Variants in FSTL5 observed in about 807,000 individuals in gnomAD.
The protein encoded by FSTL5 is follistatin-related protein 5.
In FSTL5, 62 loss-of-function variants were observed where a neutral mutation model predicts 89.1. The observed-to-expected ratio is 0.70, with a 90% CI of 0.57 to 0.86. The LOEUF (loss-of-function observed/expected upper bound fraction) is 0.86, where lower values mean the gene tolerates loss of function less well. Ranked by LOEUF, FSTL5 falls within the 40% of genes least tolerant of loss-of-function variation. FSTL5 has a pLI of 0.00. For synonymous variants in FSTL5, 383 were observed against 346.2 expected, an observed-to-expected ratio of 1.11 and a Z score of -1.18; for missense variants, 1,057 against 1,001.6, an observed-to-expected ratio of 1.06 and a Z score of -0.75.
chr4:162,110,074 CTT>C (rs1332772529), intron 2 of FSTL5, among the ~76,000 whole-genome samples: 20 of 151,910 alleles, frequency 1.3e-4, no homozygotes, highest in Non-Finnish European at 2.8e-4. Context: ...ACTTTAAAAA[CTT>C]ATTTATTTTC....
Position 161,587,576 on chromosome 4 carries a change from C to T in FSTL5, c.895-1G>A, listed in dbSNP as rs1441272132. On this transcript the variant is annotated splice_acceptor_variant, in intron 7 of 15. Transcript: ENST00000306100. LOFTEE classifies it high-confidence loss of function. ...ACAAGGACCCATCATCTCCAAAGTC[C>T]TATTAAAAATAAAATAAAACAAGGT... is the stretch of plus-strand genomic sequence containing the variant. 6.3e-7 allele frequency: 1 copy of T among 1,583,680 alleles called. No individual in the cohort carries two copies. Among genetic ancestry groups the T allele is most frequent in the African/African-American group, 1.4e-5 (1 of 73,414 alleles).
intron 6 of FSTL5, among the ~76,000 whole-genome samples, chr4:161,724,993 G>C (rs1014184602): frequency 4.5e-4 from 69 of 152,128 alleles, no homozygotes; most frequent in African/African-American, 1.5e-3. Flanking sequence ...TTAAGAGATC[G>C]AGGCCAGCCT....
At chr4:161,908,284 T>C (rs187136551) in intron 4 of FSTL5, among the ~76,000 whole-genome samples, 2 of 152,142 alleles carry the variant, frequency 1.3e-5, no homozygotes, top group Admixed American at 1.3e-4. Context: ...CAATACATGA[T>C]TATCATGTAT....
intron 3 of FSTL5, among the ~76,000 whole-genome samples, chr4:161,953,568 A>G (rs1052470340): frequency 5.3e-5 from 8 of 151,716 alleles, no homozygotes; most frequent in Admixed American, 6.6e-5. Flanking sequence ...CACACATTTC[A>G]TAGAATTTGC....
chr4:162,050,415 C>T (rs1738341488), intron 2 of FSTL5, among the ~76,000 whole-genome samples: 1 of 150,352 alleles, frequency 6.7e-6, no homozygotes, highest in Non-Finnish European at 1.5e-5. Flanking sequence ...TATAAATATT[C>T]TTAGGAATAA....
intron 4 of FSTL5, among the ~76,000 whole-genome samples, chr4:161,790,793 G>A (rs946492318): frequency 6.6e-6 from 1 of 152,162 alleles, no homozygotes; most frequent in Non-Finnish European, 1.5e-5. Flanking sequence ...GCCCACTTAT[G>A]AAGGTGCTCT....
chr4:161,721,137 G>C (rs1739192823), intron 6 of FSTL5, among the ~76,000 whole-genome samples: 6 of 151,692 alleles, frequency 4.0e-5, no homozygotes, highest in African/African-American at 1.5e-4. Context: ...AATTAGCCGG[G>C]CGCGGTGGCG....
At chr4:161,742,480 G>T (rs1394804704) in intron 6 of FSTL5, among the ~76,000 whole-genome samples, 1 of 152,172 alleles carries the variant, frequency 6.6e-6, no homozygotes, top group African/African-American at 2.4e-5. Flanking sequence ...GCAAGGGAGA[G>T]AATTTTTTAA....
Position 161,579,944 on chromosome 4 carries a change from C to G in FSTL5, c.1015+7511G>C. Among the ~76,000 whole-genome samples, 2 of 151,852 alleles carry G rather than the reference C, an allele frequency of 1.3e-5. 1 individual carries two copies. Among genetic ancestry groups the G allele is most frequent in the East Asian group, 3.9e-4 (2 of 5,156 alleles). On this transcript the variant is annotated intron_variant, in intron 8 of 15. Transcript: ENST00000306100. Reference sequence around the variant, plus strand: ...CTTTGGACTTTGCATGTAGTTTAAACTTTTGGACTTTCTTTAGACTTTAAA... The same window carrying G: ...CTTTGGACTTTGCATGTAGTTTAAAGTTTTGGACTTTCTTTAGACTTTAAA...
chr4:161,642,422 G>A (rs547593827), intron 7 of FSTL5, among the ~76,000 whole-genome samples: 3 of 152,136 alleles, frequency 2.0e-5, no homozygotes, highest in African/African-American at 7.2e-5. Context: ...ACAAAATCAT[G>A]ATAACTGTAT....
At chr4:161,431,708 T>C (rs1162232345) in intron 15 of FSTL5, among the ~76,000 whole-genome samples, 1 of 152,066 alleles carries the variant, frequency 6.6e-6, no homozygotes, top group Non-Finnish European at 1.5e-5. Flanking sequence ...AACAATCTAT[T>C]ACCTACAAGA....
chr4:161,682,366 T>C lies in FSTL5; in HGVS notation c.728-25872A>G, dbSNP rs144489174. Among the ~76,000 whole-genome samples the C allele has an allele frequency of 5.9e-3, 904 of 152,348 alleles. 11 individuals carry two copies. The highest frequency in any genetic ancestry group is 0.047 in the South Asian group (225 of 4,830). On this transcript the variant is annotated intron_variant, in intron 6 of 15. Transcript: ENST00000306100. ...TCTCTCACTGTAAGTTTTTACTTTGTGAACTTTTAAATTTTTTAAAACTTT... is the reference window on the plus strand; with the variant it reads ...TCTCTCACTGTAAGTTTTTACTTTGCGAACTTTTAAATTTTTTAAAACTTT...
chr4:161,806,936 C>T (rs1276254738), intron 4 of FSTL5, among the ~76,000 whole-genome samples: 2 of 151,620 alleles, frequency 1.3e-5, no homozygotes, highest in Non-Finnish European at 2.9e-5. Flanking sequence ...AGATGAAAAC[C>T]ATAGTAGACC....
chr4:161,546,544 A>G (rs1447268049), intron 8 of FSTL5, among the ~76,000 whole-genome samples: 1 of 151,682 alleles, frequency 6.6e-6, no homozygotes, highest in East Asian at 1.9e-4. Context: ...AATGAGAGCT[A>G]AATTCTTACA....
rs77137549 is a variant in FSTL5 at position 161,690,968 on chromosome 4, C to A, written c.728-34474G>T. On this transcript the variant is annotated intron_variant, in intron 6 of 15. Coordinates refer to ENST00000306100, the MANE Select transcript of FSTL5 (RefSeq NM_020116.5). The stretch of plus-strand genomic sequence containing the variant: ...GCCTCTAGCTACATTCATGTCCCTG[C>A]AAAGCACATGATTTCATTCTTTTAT... 7.7e-3 allele frequency among the ~76,000 whole-genome samples: 1,168 copies of A among 152,254 alleles called. 11 individuals carry two copies. Among genetic ancestry groups the A allele is most frequent in the African/African-American group, 0.025 (1,058 of 41,556 alleles).
At chr4:161,438,021 T>C (rs1211128336) in intron 15 of FSTL5, among the ~76,000 whole-genome samples, 1 of 151,288 alleles carries the variant, frequency 6.6e-6, no homozygotes, top group Admixed American at 6.6e-5. Context: ...TAAATGACAG[T>C]GTAGGCAAAG....
At chr4:162,018,651 A>C (rs916087470) in intron 3 of FSTL5, among the ~76,000 whole-genome samples, 1 of 956 alleles carries the variant, frequency 1.0e-3, no homozygotes, top group African/African-American at 1.4e-3. Context: ...CATTTCTTTA[A>C]TTAAAAAAAA....
intron 11 of FSTL5, among the ~76,000 whole-genome samples, chr4:161,504,770 C>T (rs1180729148): frequency 6.6e-6 from 1 of 151,964 alleles, no homozygotes; most frequent in Non-Finnish European, 1.5e-5. Flanking sequence ...ATGCACTTTC[C>T]TATCTCAATC....
At chr4:162,138,693 G>A (rs893409091) in intron 1 of FSTL5, among the ~76,000 whole-genome samples, 43 of 151,892 alleles carry the variant, frequency 2.8e-4, no homozygotes, top group Admixed American at 7.2e-4. Flanking sequence ...GACAAACCCT[G>A]TTTATTTTTA....
Sources: gnomAD v4.1 joint callset for allele counts (sites outside exome capture counted in the v4.1 genomes callset) on GRCh38, gnomAD v4.1.1 for gene constraint, MANE v1.5 for transcripts, NCBI Gene and HGNC (gene_info 2026-07-23, HGNC 2026-07-21) for gene names.